Variants in ASB15 observed in about 807,000 individuals in gnomAD.
ASB15 encodes the protein ankyrin repeat and SOCS box containing 15, also known as ankyrin repeat and SOCS box protein 15.
A neutral mutation model predicts 58.0 loss-of-function variants in ASB15; 54 were observed. That is an observed-to-expected ratio of 0.93 (90% confidence interval 0.75 to 1.17). The LOEUF is 1.17. Among genes scored for constraint, ASB15 ranks in the 50% most tolerant of loss-of-function variants. The probability of loss-of-function intolerance (pLI) is 0.00; values close to 1 mark genes in which losing one functional copy is unlikely to be tolerated. For missense variants in ASB15, 680 were observed against 707.4 expected, an observed-to-expected ratio of 0.96 and a Z score of 0.44; for synonymous variants, 249 against 262.4, an observed-to-expected ratio of 0.95 and a Z score of 0.50.
intron 1 of ASB15, among the ~76,000 whole-genome samples, chr7:123,585,527 G>C (rs959688489): frequency 2.0e-5 from 3 of 151,654 alleles, no homozygotes; most frequent in African/African-American, 7.3e-5. Flanking sequence ...TAAATAAAAC[G>C]TGTATATACA....
chr7:123,612,283 T>A (rs918719772), intron 3 of ASB15: 1 of 152,112 alleles, frequency 6.6e-6, no homozygotes, highest in Admixed American at 6.5e-5. Context: ...CAGGGACCAC[T>A]GACAGCAGCT....
intron 2 of ASB15, among the ~76,000 whole-genome samples, chr7:123,606,754 G>A (rs550313153): frequency 2.0e-4 from 31 of 152,174 alleles, no homozygotes; most frequent in African/African-American, 7.5e-4. Context: ...CGTCCTCTAG[G>A]TTGATCCATG....
chr7:123,590,423 T>C (rs1023315548), intron 1 of ASB15, among the ~76,000 whole-genome samples: 4 of 152,212 alleles, frequency 2.6e-5, no homozygotes. Context: ...TGGTATTGCC[T>C]AGGTTTTCTT....
At chr7:123,612,812 G>A (rs6970517) in intron 3 of ASB15, among the ~76,000 whole-genome samples, 12,622 of 152,186 alleles carry the variant, frequency 0.083, 609 homozygotes, top group African/African-American at 0.13. Flanking sequence ...CATATTTAGA[G>A]AGCACAAACC....
At chr7:123,584,057 C>T (rs1321617959) in intron 1 of ASB15, among the ~76,000 whole-genome samples, 3 of 151,884 alleles carry the variant, frequency 2.0e-5, no homozygotes, top group African/African-American at 7.3e-5. Context: ...GCATGTACTG[C>T]TTTGGTGAGC....
intron 8 of ASB15, among the ~76,000 whole-genome samples, chr7:123,626,124 T>C (rs1400275521): frequency 6.6e-6 from 1 of 152,234 alleles, no homozygotes; most frequent in Non-Finnish European, 1.5e-5. Flanking sequence ...TCACACTTAT[T>C]CTTCTTAGGG....
intron 11 of ASB15, among the ~76,000 whole-genome samples, chr7:123,635,521 C>T (rs1802373063): frequency 7.0e-6 from 1 of 143,822 alleles, no homozygotes; most frequent in South Asian, 2.3e-4. Context: ...ACAGACTCTA[C>T]AATACCATTA....
At position 123,616,363 on chromosome 7, in the gene ASB15, G is replaced by A. The variant is rs1187559252; in HGVS notation, c.161-1G>A. The A allele has an allele frequency of 1.9e-6, 3 of 1,609,914 alleles. No individual in the cohort carries two copies. The highest frequency in any genetic ancestry group is 1.3e-5 in the African/African-American group (1 of 74,750). Reference sequence around the variant, plus strand: ...GTCATCAGTCCATGTGTTTAATTTAGGTCACATTCCTGAGCTCCAGGAGTA... The same window carrying A: ...GTCATCAGTCCATGTGTTTAATTTAAGTCACATTCCTGAGCTCCAGGAGTA... On this transcript the variant is annotated splice_acceptor_variant, in intron 5 of 11. Coordinates refer to ENST00000451215, the MANE Select transcript of ASB15 (RefSeq NM_001290258.2). LOFTEE classifies it high-confidence loss of function.
In ASB15 at chr7:123,636,888, C is replaced by A; in HGVS notation, c.1674C>A (p.Ala558=). 1 of 1,604,574 alleles carries A rather than the reference C, an allele frequency of 6.2e-7. No homozygotes were observed. Among genetic ancestry groups the A allele is most frequent in the Non-Finnish European group, 8.5e-7 (1 of 1,171,430 alleles). The change falls in exon 12 of 12, where the codon GCC becomes GCA. Residue 558 remains alanine (A), a synonymous_variant. Coordinates refer to ENST00000451215, the MANE Select transcript of ASB15 (RefSeq NM_001290258.2). Reference sequence around the variant, plus strand: ...GTCTCCAGAAACTCTGCCAGCCAGCCTCAGTGGAGAAGCTTCCTCTACCAC... The same window carrying A: ...GTCTCCAGAAACTCTGCCAGCCAGCATCAGTGGAGAAGCTTCCTCTACCAC... The part of the protein sequence containing the change: ...LMGLQKLCQP[A]SVEKLPLPPA...
intron 1 of ASB15, among the ~76,000 whole-genome samples, chr7:123,580,992 G>A (rs1371008510): frequency 6.6e-6 from 1 of 151,884 alleles, no homozygotes; most frequent in Non-Finnish European, 1.5e-5. Flanking sequence ...CAAACCAACA[G>A]GCGTCCATTC....
intron 1 of ASB15, among the ~76,000 whole-genome samples, chr7:123,593,710 A>AT (rs975572145): frequency 1.3e-5 from 2 of 151,640 alleles, no homozygotes; most frequent in Admixed American, 6.6e-5. Flanking sequence ...TGCCCTTAAC[A>AT]TTTTTTCCTT....
At chr7:123,636,658 CA>C in intron 11 of ASB15, 150 bp from the exon 12 acceptor site, 1 of 645,908 alleles carries the variant, frequency 1.5e-6, no homozygotes, top group South Asian at 2.3e-5. Flanking sequence ...TGCTCAATTA[CA>C]ATTTGAATTT....
intron 2 of ASB15, among the ~76,000 whole-genome samples, chr7:123,607,361 CTT>C (rs1198462274): frequency 2.0e-5 from 3 of 152,068 alleles, no homozygotes; most frequent in Non-Finnish European, 2.9e-5. Context: ...ACAATAATGT[CTT>C]ATACAAATTT....
chr7:123,598,301 A>G (rs974585504), upstream of ASB15, among the ~76,000 whole-genome samples: 3 of 152,204 alleles, frequency 2.0e-5, no homozygotes, highest in Non-Finnish European at 1.5e-5. Flanking sequence ...ATGATATGAA[A>G]TAACAAGAGC....
chr7:123,605,094 A>T (rs1259499750), intron 2 of ASB15, among the ~76,000 whole-genome samples: 1 of 152,190 alleles, frequency 6.6e-6, no homozygotes, highest in Non-Finnish European at 1.5e-5. Flanking sequence ...AAGGGAAAAA[A>T]ATTTGACTTG....
chr7:123,632,640 C>T (rs1192427345), intron 11 of ASB15, among the ~76,000 whole-genome samples: 1 of 152,046 alleles, frequency 6.6e-6, no homozygotes, highest in Non-Finnish European at 1.5e-5. Flanking sequence ...ATTCTTATGC[C>T]TTTGCATCCC....
chr7:123,578,033 C>T, intron 1 of ASB15, among the ~76,000 whole-genome samples: 1 of 151,306 alleles, frequency 6.6e-6, no homozygotes, highest in Non-Finnish European at 1.5e-5. Context: ...CTAATGTTAT[C>T]CCTCCCCTAG....
chr7:123,590,718 G>A (rs1010829547), intron 1 of ASB15, among the ~76,000 whole-genome samples: 7 of 152,132 alleles, frequency 4.6e-5, no homozygotes, highest in African/African-American at 1.4e-4. Context: ...AGTATAGTTC[G>A]ATGTCAGGTA....
intron 1 of ASB15, among the ~76,000 whole-genome samples, chr7:123,593,326 G>A (rs1799597393): frequency 6.6e-6 from 1 of 152,104 alleles, no homozygotes; most frequent in African/African-American, 2.4e-5. Flanking sequence ...AATGTTAGCT[G>A]GTTATTTTGC....
Sources: gnomAD v4.1 joint callset for allele counts (sites outside exome capture counted in the v4.1 genomes callset) on GRCh38, gnomAD v4.1.1 for gene constraint, MANE v1.5 for transcripts, NCBI Gene and HGNC (gene_info 2026-07-23, HGNC 2026-07-21) for gene names.